The following BCL11B variants were observed in gnomAD, a reference collection of about 807,000 sequenced individuals.
The protein encoded by BCL11B is BCL11 transcription factor B, also known as B-cell lymphoma/leukemia 11B.
A neutral mutation model predicts 49.9 loss-of-function variants in BCL11B; 8 were observed. That is an observed-to-expected ratio of 0.16 (90% confidence interval 0.09 to 0.29). The LOEUF is 0.29. Ranked by LOEUF, BCL11B falls within the 10% of genes least tolerant of loss-of-function variation. BCL11B has a pLI of 1.00. For missense variants in BCL11B, 1,006 were observed against 1,351.0 expected (o/e 0.74, Z 4.00); for synonymous variants, 739 against 637.4 (o/e 1.16, Z -2.40).
chr14:99,196,783 C>T (rs1887191403), intron 3 of BCL11B, among the ~76,000 whole-genome samples: 2 of 152,148 alleles, frequency 1.3e-5, no homozygotes, highest in Admixed American at 6.5e-5. Flanking sequence ...CAAACCCACC[C>T]GCTCAAAAAA....
chr14:99,226,292 A>C (rs868631601), intron 3 of BCL11B, among the ~76,000 whole-genome samples: 4 of 152,348 alleles, frequency 2.6e-5, no homozygotes, highest in Middle Eastern at 3.4e-3. Context: ...GAATCCCATG[A>C]GCATGTTTTC....
intron 3 of BCL11B, among the ~76,000 whole-genome samples, chr14:99,196,574 G>A (rs1223453163): frequency 1.3e-5 from 2 of 152,182 alleles, no homozygotes; most frequent in African/African-American, 2.4e-5. Context: ...ACTTTGCAGC[G>A]GCTCATGTGC....
In BCL11B at chr14:99,231,572, A is replaced by G; in HGVS notation, c.428-15T>C. ...CCTGCACGGCCCTGGAGAAAAAACA[A>G]TAGAAAAGACTGGTCAGTCGGGCCC... On this transcript the variant is annotated splice_polypyrimidine_tract_variant and intron_variant, in intron 2 of 3. Coordinates refer to ENST00000357195, the MANE Select transcript of BCL11B (RefSeq NM_138576.4). The surrounding 1 kb of genome is among the most constrained non-coding windows in gnomAD (Gnocchi z 8.1). 1.3e-6 allele frequency: 2 copies of G among 1,557,148 alleles called. No individual in the cohort carries two copies. The highest frequency in any genetic ancestry group is 1.7e-6 in the Non-Finnish European group (2 of 1,150,378).
chr14:99,192,394 C>A lies in BCL11B; in HGVS notation c.641-16199G>T, dbSNP rs996345404. ...AGAGCAGGGCTTTCGGGGCCCCGCT[C>A]GCCACAATAGGGACTGTAAACTGGG... On this transcript the variant is annotated intron_variant, in intron 3 of 3. Transcript: ENST00000357195. This position sits in a 1 kb window ranked among gnomAD's most constrained non-coding sequence, Gnocchi z 4.0. Among the ~76,000 whole-genome samples, 2 of 152,164 alleles carry A rather than the reference C, an allele frequency of 1.3e-5. No homozygotes were observed. Among genetic ancestry groups the A allele is most frequent in the Non-Finnish European group, 2.9e-5 (2 of 68,028 alleles).
chr14:99,211,177 C>G (rs1381431654), intron 3 of BCL11B, among the ~76,000 whole-genome samples: 1 of 152,182 alleles, frequency 6.6e-6, no homozygotes, highest in Non-Finnish European at 1.5e-5. Context: ...CCAAAGTCAT[C>G]CAGTTAAGAA....
In BCL11B at chr14:99,195,501, A is replaced by G. The variant is rs570598803; in HGVS notation, c.641-19306T>C. ...CTGCACTGGGCTTTGCACCCCCAAAACAATGGCTGGCCCTTGCTGAGCACT... is the reference window on the plus strand; with the variant it reads ...CTGCACTGGGCTTTGCACCCCCAAAGCAATGGCTGGCCCTTGCTGAGCACT... On this transcript the variant is annotated intron_variant, in intron 3 of 3. Coordinates refer to ENST00000357195, the MANE Select transcript of BCL11B (RefSeq NM_138576.4). This position sits in a 1 kb window ranked among gnomAD's most constrained non-coding sequence, Gnocchi z 4.7. Among the ~76,000 whole-genome samples, 1 of 152,166 alleles carries G rather than the reference A, an allele frequency of 6.6e-6. No homozygotes were observed. The highest frequency in any genetic ancestry group is 2.4e-5 in the African/African-American group (1 of 41,526).
rs1005453286 is a variant in BCL11B, at chr14:99,192,484, C to T, written c.641-16289G>A. On this transcript the variant is annotated intron_variant, in intron 3 of 3. Coordinates refer to ENST00000357195, the MANE Select transcript of BCL11B (RefSeq NM_138576.4). The surrounding 1 kb of genome is among the most constrained non-coding windows in gnomAD (Gnocchi z 4.0). ...GGCAGAAAATAAAACAATGCCGGCA[C>T]GTTCTGGAGACCACAGCGCGCTACC... is the stretch of plus-strand genomic sequence containing the variant. Among the ~76,000 whole-genome samples the T allele has an allele frequency of 7.9e-5, 12 of 152,296 alleles. No individual in the cohort carries two copies. The highest frequency in any genetic ancestry group is 7.8e-4 in the Admixed American group (12 of 15,296).
intron 3 of BCL11B, among the ~76,000 whole-genome samples, chr14:99,220,267 A>G (rs371866116): frequency 2.9e-4 from 44 of 152,342 alleles, no homozygotes; most frequent in African/African-American, 1.0e-3. Context: ...AACTGAAAGC[A>G]AGGATTCAAA....
intron 3 of BCL11B, among the ~76,000 whole-genome samples, chr14:99,188,053 A>G (rs1347168643): frequency 6.6e-6 from 1 of 152,212 alleles, no homozygotes; most frequent in Non-Finnish European, 1.5e-5. Context: ...AAGTAGTAAT[A>G]TATGTATATT....
rs1886259091 is a variant in BCL11B, at chr14:99,170,636, A to C, written c.*3515T>G. 4.3e-6 allele frequency: 1 copy of C among 232,996 alleles called. No homozygotes were observed. The highest frequency in any genetic ancestry group is 2.2e-5 in the African/African-American group (1 of 45,330). The allele number at this position is 232,996 out of a possible 1,614,324, so 14.4% of individuals were successfully genotyped here. ...AGGAAACGCAGGGGAAGGAGAGAGA[A>C]CGAGATATGGAAAGGCACCAAATTC... On this transcript the variant is annotated 3_prime_UTR_variant, in exon 4 of 4. Coordinates refer to ENST00000357195, the MANE Select transcript of BCL11B (RefSeq NM_138576.4).
rs989701733 is a variant in BCL11B at position 99,201,349 on chromosome 14, C to T, written c.641-25154G>A. Among the ~76,000 whole-genome samples, 13 of 152,242 alleles carry T rather than the reference C, an allele frequency of 8.5e-5. No individual in the cohort carries two copies. In the East Asian group the frequency reaches 1.9e-3, roughly 23 times the overall value. ...AGGGAGGGCAGGACACAAATGGTGA[C>T]GGGACAATGCTCCCCTCTCATCTAG... is the stretch of plus-strand genomic sequence containing the variant. On this transcript the variant is annotated intron_variant, in intron 3 of 3. Transcript: ENST00000357195.
chr14:99,255,153 C>A (rs747061043), intron 2 of BCL11B, among the ~76,000 whole-genome samples: 2 of 152,078 alleles, frequency 1.3e-5, no homozygotes, highest in South Asian at 2.1e-4. Flanking sequence ...AGAAGGCAGG[C>A]GCATGTGTGC....
chr14:99,231,530 G>A lies in BCL11B; in HGVS notation c.455C>T (p.Ala152Val), dbSNP rs1201537871. 1.3e-6 allele frequency: 2 copies of A among 1,589,762 alleles called. No homozygotes were observed. Among genetic ancestry groups the A allele is most frequent in the East Asian group, 2.3e-5 (1 of 43,828 alleles). ...GGAGGAGGCAGCTATGGGGGCCACC[G>A]CTGGCAGCTGGGCAGGCCTGCACGG... The part of the protein sequence containing the change: ...AGPCRPAQLP[A>V]VAPIAASSHP... Residue 152 changes from alanine (A) to valine (V), a missense_variant, in exon 3 of 4, where the codon GCG becomes GTG. Physicochemically the swap from Ala to Val is moderately conservative, Grantham distance 64. This residue lies in a region of BCL11B where 411 missense variants were observed against 542.2 expected (regional missense o/e 0.76). Coordinates refer to ENST00000357195, the MANE Select transcript of BCL11B (RefSeq NM_138576.4). The surrounding 1 kb of genome is among the most constrained non-coding windows in gnomAD (Gnocchi z 8.1).
rs947932050 is a variant in BCL11B at position 99,232,027 on chromosome 14, C to T, written c.428-470G>A. On this transcript the variant is annotated intron_variant, in intron 2 of 3. Coordinates refer to ENST00000357195, the MANE Select transcript of BCL11B (RefSeq NM_138576.4). The surrounding 1 kb of genome is among the most constrained non-coding windows in gnomAD (Gnocchi z 5.1). ...TCAGGATGGGCTGTTCCTACAGGCC[C>T]GGGACACCTTGGGTCCGCCTCCAGC... Among the ~76,000 whole-genome samples, 5 of 152,146 alleles carry T rather than the reference C, an allele frequency of 3.3e-5. No homozygotes were observed. Among genetic ancestry groups the T allele is most frequent in the Admixed American group, 6.5e-5 (1 of 15,290 alleles).
chr14:99,224,822 G>A lies in BCL11B; in HGVS notation c.640+6523C>T, dbSNP rs532782807. ...TCACTCCCATTCACTGCAAGGGAAG[G>A]ACCGAGGATGGCCCCATCTCGAGAG... is the stretch of plus-strand genomic sequence containing the variant. On this transcript the variant is annotated intron_variant, in intron 3 of 3. Coordinates refer to ENST00000357195, the MANE Select transcript of BCL11B (RefSeq NM_138576.4). 2.0e-5 allele frequency among the ~76,000 whole-genome samples: 3 copies of A among 152,290 alleles called. No individual in the cohort carries two copies. In the South Asian group the frequency reaches 6.2e-4, roughly 32 times the overall value.
intron 1 of BCL11B, among the ~76,000 whole-genome samples, chr14:99,265,962 A>G (rs1889469174): frequency 6.6e-6 from 1 of 152,194 alleles, no homozygotes; most frequent in Non-Finnish European, 1.5e-5. Context: ...AAATCTAGAA[A>G]TCCTATGATC....
intron 2 of BCL11B, among the ~76,000 whole-genome samples, chr14:99,234,855 CAAAAAAAAAAAA>C (rs34831762): frequency 6.0e-5 from 4 of 66,638 alleles, no homozygotes; most frequent in South Asian, 6.0e-4. Context: ...GGTCTATGCA[CAAAAAAAAAAAA>C]AAAAAAAAAA....
In BCL11B at chr14:99,195,082, C is replaced by G. The variant is rs1887142078; in HGVS notation, c.641-18887G>C. Among the ~76,000 whole-genome samples the G allele has an allele frequency of 6.6e-6, 1 of 152,204 alleles. No individual in the cohort carries two copies. The highest frequency in any genetic ancestry group is 1.5e-5 in the Non-Finnish European group (1 of 68,040). On this transcript the variant is annotated intron_variant, in intron 3 of 3. Transcript: ENST00000357195. This position sits in a 1 kb window ranked among gnomAD's most constrained non-coding sequence, Gnocchi z 4.7. ...GCAGAAAGGGCTTCCTGAGGTCGCA[C>G]AGCCCAAGGATGAGGCTGGCGCAGG...
intron 2 of BCL11B, among the ~76,000 whole-genome samples, chr14:99,249,642 C>T (rs971918848): frequency 1.3e-5 from 2 of 152,172 alleles, no homozygotes; most frequent in Non-Finnish European, 2.9e-5. Context: ...GGAGTTGACA[C>T]CCTGGGACCC....
Sources: allele counts gnomAD v4.1 joint callset (sites outside exome capture counted in the v4.1 genomes callset), GRCh38; gene constraint gnomAD v4.1.1; regional missense constraint gnomAD v4.1.1; non-coding constraint Gnocchi (gnomAD v3.1); transcripts MANE v1.5; gene names NCBI Gene and HGNC (gene_info 2026-07-23, HGNC 2026-07-21).